The following MYO16 variants were observed in gnomAD, a reference collection of about 807,000 sequenced individuals.
MYO16 encodes the protein myosin XVI.
In MYO16, 94 loss-of-function variants were observed where a neutral mutation model predicts 205.3. That is an observed-to-expected ratio of 0.46 (90% confidence interval 0.39 to 0.54). The LOEUF (loss-of-function observed/expected upper bound fraction) is 0.54. Ranked by LOEUF, MYO16 falls within the 20% of genes least tolerant of loss-of-function variation. The pLI is 0.00. For synonymous variants in MYO16, 988 were observed against 954.0 expected (o/e 1.04, Z -0.66); for missense variants, 2,315 against 2,387.5 (o/e 0.97, Z 0.63).
intron 34 of MYO16, among the ~76,000 whole-genome samples, chr13:109,201,973 TACAC>T (rs569241579): frequency 4.6e-5 from 7 of 151,190 alleles, no homozygotes; most frequent in South Asian, 2.1e-4. Flanking sequence ...TATATATATG[TACAC>T]ACACACACAC....
At chr13:108,813,012 T>C (rs759919993) in intron 7 of MYO16, among the ~76,000 whole-genome samples, 2 of 152,052 alleles carry the variant, frequency 1.3e-5, no homozygotes, top group Non-Finnish European at 2.9e-5. Flanking sequence ...CCATTATAGC[T>C]ACACAAATAC....
At position 108,972,383 on chromosome 13, in the gene MYO16, T is replaced by C. The variant is rs1303140795; in HGVS notation, c.2369+7481T>C. 1.0e-4 allele frequency among the ~76,000 whole-genome samples: 6 copies of C among 59,892 alleles called. 1 individual carries two copies. Among genetic ancestry groups the C allele is most frequent in the African/African-American group, 5.2e-4 (6 of 11,630 alleles). The allele number at this position is 59,892 out of a possible 152,430, so 39.3% of individuals were successfully genotyped here. A position where few individuals can be genotyped will look rare whatever the true frequency, so the allele number is the denominator to read the frequency against. ...ATATATATATATATATATATATATA[T>C]ATATATATATATATAGTGGCTGGTA... On this transcript the variant is annotated intron_variant, in intron 20 of 34. Coordinates refer to ENST00000457511, the MANE Select transcript of MYO16 (RefSeq NM_001198950.3).
Position 108,964,779 on chromosome 13 carries a change from G to A in MYO16, c.2246G>A (p.Arg749Gln), listed in dbSNP as rs771175511. The A allele has an allele frequency of 4.3e-6, 7 of 1,614,014 alleles. No homozygotes were observed. The highest frequency in any genetic ancestry group is 1.6e-4 in the Middle Eastern group (1 of 6,062). ...QYFKGDMIIR[R>Q]HTIQIAEFFR... Reference sequence around the variant, plus strand: ...ATTTTAGGGGATATGATAATACGACGACATACCATACAGATTGCTGAGTTT... The same window carrying A: ...ATTTTAGGGGATATGATAATACGACAACATACCATACAGATTGCTGAGTTT... The change falls in exon 20 of 35, where the codon CGA becomes CAA. Residue 749 changes from arginine to glutamine, a missense_variant. Arg to Gln is a conservative substitution (Grantham distance 43, BLOSUM62 1). Coordinates refer to ENST00000457511, the MANE Select transcript of MYO16 (RefSeq NM_001198950.3).
At chr13:109,114,172 T>G (rs1594097400) in intron 28 of MYO16, among the ~76,000 whole-genome samples, 1 of 152,094 alleles carries the variant, frequency 6.6e-6, no homozygotes, top group African/African-American at 2.4e-5. Flanking sequence ...TCAAAGAAGT[T>G]AAGCTTCAAG....
At chr13:108,839,260 A>C (rs1435054282) in intron 9 of MYO16, among the ~76,000 whole-genome samples, 3 of 152,142 alleles carry the variant, frequency 2.0e-5, no homozygotes, top group Admixed American at 6.5e-5. Flanking sequence ...GAATGGATTA[A>C]CTTATTCATG....
At chr13:108,794,533 A>G (rs1886724785) in intron 6 of MYO16, among the ~76,000 whole-genome samples, 1 of 152,218 alleles carries the variant, frequency 6.6e-6, no homozygotes, top group Admixed American at 6.5e-5. Context: ...ACTATGGATG[A>G]CTTTGGTGAG....
chr13:108,935,182 T>C (rs1304752704), intron 16 of MYO16, among the ~76,000 whole-genome samples: 6 of 152,226 alleles, frequency 3.9e-5, no homozygotes, highest in Non-Finnish European at 7.4e-5. Context: ...TTAATAGGAA[T>C]AGAATTGAAT....
At chr13:109,145,329 A>G (rs1289177090) in intron 32 of MYO16, among the ~76,000 whole-genome samples, 1 of 151,982 alleles carries the variant, frequency 6.6e-6, no homozygotes, top group African/African-American at 2.4e-5. Flanking sequence ...TCCCCTAGCT[A>G]CCTATGCAAT....
intron 20 of MYO16, 40 bp downstream of exon 20, chr13:108,964,942 T>A (rs776006974): frequency 6.3e-7 from 1 of 1,594,804 alleles, no homozygotes. Flanking sequence ...GTCATTACTG[T>A]AATAAATAAC....
At position 108,840,830 on chromosome 13, in the gene MYO16, G is replaced by T. The variant is rs1183122605; in HGVS notation, c.1098-3513G>T. Among the ~76,000 whole-genome samples the T allele has an allele frequency of 2.0e-5, 3 of 152,092 alleles. No individual in the cohort carries two copies. In the East Asian group the frequency reaches 5.8e-4, roughly 29 times the overall value. ...AATACATTCTTAAAACCATAAAACAGAATAAATCTAAAAATTATTTGGAAG... is the reference window on the plus strand; with the variant it reads ...AATACATTCTTAAAACCATAAAACATAATAAATCTAAAAATTATTTGGAAG... On this transcript the variant is annotated intron_variant, in intron 9 of 34. Transcript: ENST00000457511.
At chr13:108,895,648 G>A (rs537044227) in intron 14 of MYO16, among the ~76,000 whole-genome samples, 2 of 152,264 alleles carry the variant, frequency 1.3e-5, no homozygotes, top group Admixed American at 1.3e-4. Flanking sequence ...ACTCACCTGG[G>A]TTCAACTCCC....
the MYO16 span, among the ~76,000 whole-genome samples, chr13:108,532,092 G>T: frequency 6.6e-6 from 1 of 152,126 alleles, no homozygotes; most frequent in Non-Finnish European, 1.5e-5. Context: ...TGTAATCCCA[G>T]CTACTTGGGA....
intron 1 of MYO16, among the ~76,000 whole-genome samples, chr13:108,618,824 C>A (rs971937481): frequency 7.2e-5 from 11 of 152,154 alleles, no homozygotes; most frequent in African/African-American, 2.7e-4. Context: ...ATTTACAACA[C>A]TTAAACAATA....
the MYO16 span, among the ~76,000 whole-genome samples, chr13:108,516,920 A>ATGTTTTGTTTTT: frequency 6.6e-6 from 1 of 151,124 alleles, no homozygotes; most frequent in African/African-American, 2.4e-5. Flanking sequence ...TTGAGTAATT[A>ATGTTTTGTTTTT]TGTTTTGTTT....
At chr13:109,201,952 T>C (rs1880410550) in intron 34 of MYO16, among the ~76,000 whole-genome samples, 1 of 151,842 alleles carries the variant, frequency 6.6e-6, no homozygotes, top group Non-Finnish European at 1.5e-5. Flanking sequence ...AGAGTAGTAT[T>C]CCATCATATA....
chr13:108,714,589 T>C (rs1411668940), intron 3 of MYO16, among the ~76,000 whole-genome samples: 1 of 104,144 alleles, frequency 9.6e-6, no homozygotes. Context: ...CACGTGTGTG[T>C]GTCTGTGTGT....
chr13:109,140,364 C>T lies in MYO16; in HGVS notation c.4152C>T (p.Ser1384=), dbSNP rs773207190. 2.5e-6 allele frequency: 4 copies of T among 1,602,264 alleles called. No homozygotes were observed. The highest frequency in any genetic ancestry group is 3.4e-6 in the Non-Finnish European group (4 of 1,178,708). The change falls in exon 32 of 35, where the codon TCC becomes TCT. Residue 1384 remains serine (S), a synonymous_variant. Transcript: ENST00000457511. The surrounding 1 kb of genome is among the most constrained non-coding windows in gnomAD (Gnocchi z 8.0). ...KRSPNTKLSG[S]YEEISGSRPG... is the part of the protein sequence containing the mutation. ...GCCCCAACACCAAGCTCAGCGGCTCCTACGAGGAGATATCGGGGTCCCGGC... is the reference window on the plus strand; with the variant it reads ...GCCCCAACACCAAGCTCAGCGGCTCTTACGAGGAGATATCGGGGTCCCGGC...
chr13:108,610,604 C>T (rs1251729322), intron 1 of MYO16, among the ~76,000 whole-genome samples: 4 of 152,112 alleles, frequency 2.6e-5, no homozygotes, highest in Admixed American at 1.3e-4. Flanking sequence ...CGTGCGATGT[C>T]GAAGTTATAC....
chr13:108,665,953 C>T lies in MYO16; in HGVS notation c.96C>T (p.Ser32=). The change falls in exon 2 of 35, where the codon TCC becomes TCT. Residue 32 remains serine, a synonymous_variant. Transcript: ENST00000457511. ...AAATCGACCAGTGCTTGCTAGAGTCCCTTCCCCTTGGCCAACGGCAGCGTC... is the reference window on the plus strand; with the variant it reads ...AAATCGACCAGTGCTTGCTAGAGTCTCTTCCCCTTGGCCAACGGCAGCGTC... ...EMEIDQCLLE[S]LPLGQRQRLV... The T allele has an allele frequency of 1.2e-6, 2 of 1,614,092 alleles. No individual in the cohort carries two copies. The highest frequency in any genetic ancestry group is 1.7e-6 in the Non-Finnish European group (2 of 1,179,986).
Sources: allele counts gnomAD v4.1 joint callset (sites outside exome capture counted in the v4.1 genomes callset), GRCh38; gene constraint gnomAD v4.1.1; non-coding constraint Gnocchi (gnomAD v3.1); transcripts MANE v1.5; gene names NCBI Gene and HGNC (gene_info 2026-07-23, HGNC 2026-07-21).